The following UNC5D variants were observed in gnomAD, a reference collection of about 807,000 sequenced individuals.
The protein encoded by UNC5D is netrin receptor UNC5D.
In UNC5D, 39 loss-of-function variants were observed where a neutral mutation model predicts 105.4. The observed-to-expected ratio is 0.37, with a 90% CI of 0.29 to 0.48. UNC5D has a LOEUF of 0.48. Among genes scored for constraint, UNC5D ranks in the 20% least tolerant of loss-of-function variants. The probability of loss-of-function intolerance (pLI) is 0.98; values close to 1 mark genes in which losing one functional copy is unlikely to be tolerated. For missense variants in UNC5D, 991 were observed against 1,202.4 expected, an observed-to-expected ratio of 0.82 and a Z score of 2.60; for synonymous variants, 452 against 450.4, an observed-to-expected ratio of 1.00 and a Z score of -0.04.
At chr8:35,619,498 A>T (rs570243643) in intron 4 of UNC5D, among the ~76,000 whole-genome samples, 156 of 152,332 alleles carry the variant, frequency 1.0e-3, no homozygotes, top group African/African-American at 3.5e-3. Context: ...CCTGAAAAAA[A>T]ACTGGACTTT....
At chr8:35,560,857 C>G (rs1421261000) in intron 2 of UNC5D, among the ~76,000 whole-genome samples, 2 of 152,266 alleles carry the variant, frequency 1.3e-5, no homozygotes, top group Non-Finnish European at 2.9e-5. Flanking sequence ...GGTAACTGGG[C>G]CATCCTAATG....
chr8:35,249,911 C>G (rs1803575678), intron 1 of UNC5D, among the ~76,000 whole-genome samples: 1 of 151,582 alleles, frequency 6.6e-6, no homozygotes, highest in Non-Finnish European at 1.5e-5. Context: ...AATCCCTTGT[C>G]TTCACTGAAA....
chr8:35,543,973 C>T (rs2130647815), intron 1 of UNC5D, among the ~76,000 whole-genome samples: 1 of 152,286 alleles, frequency 6.6e-6, no homozygotes, highest in South Asian at 2.1e-4. Flanking sequence ...TATAAGAATC[C>T]ATTCCTCTGA....
intron 1 of UNC5D, among the ~76,000 whole-genome samples, chr8:35,341,452 CTGTTTTTTTT>C (rs1377489741): frequency 1.4e-5 from 2 of 145,132 alleles, no homozygotes; most frequent in Non-Finnish European, 3.0e-5. Flanking sequence ...TTTTTTTTTT[CTGTTTTTTTT>C]TGTTTTTTGT....
rs537383919 is a variant in UNC5D, at chr8:35,525,501, G to A, written c.104-23791G>A. On this transcript the variant is annotated intron_variant, in intron 1 of 16. Coordinates refer to ENST00000404895, the MANE Select transcript of UNC5D (RefSeq NM_080872.4). Reference sequence around the variant, plus strand: ...CTCCTTCTCTGTCCGTGCTTTGCTGGCAAGCTTACTAACATTGAGTGAAGC... The same window carrying A: ...CTCCTTCTCTGTCCGTGCTTTGCTGACAAGCTTACTAACATTGAGTGAAGC... 9.7e-5 allele frequency: 157 copies of A among 1,612,288 alleles called. 1 individual carries two copies. In the African/African-American group the frequency reaches 2.0e-3, roughly 21 times the overall value.
intron 1 of UNC5D, among the ~76,000 whole-genome samples, chr8:35,264,278 A>G (rs1804683979): frequency 6.6e-6 from 1 of 152,214 alleles, no homozygotes; most frequent in African/African-American, 2.4e-5. Flanking sequence ...ATTCTTCCAC[A>G]AGCTTTCAAA....
chr8:35,315,677 G>A (rs537911730), intron 1 of UNC5D, among the ~76,000 whole-genome samples: 1 of 152,272 alleles, frequency 6.6e-6, no homozygotes, highest in East Asian at 1.9e-4. Flanking sequence ...GGCCAATTTT[G>A]TAGTTTATTG....
intron 1 of UNC5D, among the ~76,000 whole-genome samples, chr8:35,262,302 A>G (rs1036827619): frequency 6.6e-6 from 1 of 152,200 alleles, no homozygotes; most frequent in Non-Finnish European, 1.5e-5. Context: ...ATGTATTTAC[A>G]TTGACTAATG....
intron 1 of UNC5D, among the ~76,000 whole-genome samples, chr8:35,489,552 C>A (rs141817257): frequency 1.3e-5 from 2 of 152,100 alleles, no homozygotes; most frequent in African/African-American, 4.8e-5. Context: ...AGAGGAAAAG[C>A]CAAGTGAGGA....
At chr8:35,677,123 A>G (rs16884224) in intron 4 of UNC5D, among the ~76,000 whole-genome samples, 7 of 152,116 alleles carry the variant, frequency 4.6e-5, no homozygotes, top group Admixed American at 4.6e-4. Flanking sequence ...CGGTCATCAC[A>G]TTCCTATAAT....
chr8:35,633,353 T>C (rs762877287), intron 4 of UNC5D, among the ~76,000 whole-genome samples: 4 of 152,236 alleles, frequency 2.6e-5, no homozygotes, highest in Non-Finnish European at 4.4e-5. Context: ...TGACCTTTTC[T>C]AAACCACAGC....
At chr8:35,360,803 C>T (rs191668398) in intron 1 of UNC5D, among the ~76,000 whole-genome samples, 2 of 152,120 alleles carry the variant, frequency 1.3e-5, no homozygotes, top group East Asian at 3.9e-4. Context: ...GTGAAATTGG[C>T]AATATATATT....
chr8:35,419,217 G>A (rs1016908759), intron 1 of UNC5D, among the ~76,000 whole-genome samples: 2 of 152,136 alleles, frequency 1.3e-5, no homozygotes, highest in African/African-American at 2.4e-5. Flanking sequence ...GAATCTTTGT[G>A]ACCAGCTAAT....
intron 1 of UNC5D, among the ~76,000 whole-genome samples, chr8:35,305,162 A>G (rs1180837080): frequency 6.6e-6 from 1 of 152,118 alleles, no homozygotes; most frequent in Non-Finnish European, 1.5e-5. Context: ...TATGAAAGAG[A>G]GGTTATATTT....
At chr8:35,287,401 AT>A (rs895688027) in intron 1 of UNC5D, among the ~76,000 whole-genome samples, 2 of 152,222 alleles carry the variant, frequency 1.3e-5, no homozygotes, top group African/African-American at 4.8e-5. Context: ...TATAAACAAA[AT>A]GAAAAGTTTG....
chr8:35,471,930 AC>A (rs1371458716), intron 1 of UNC5D, among the ~76,000 whole-genome samples: 1 of 152,192 alleles, frequency 6.6e-6, no homozygotes, highest in Admixed American at 6.5e-5. Flanking sequence ...AATAAATTAA[AC>A]AAAACAAAAT....
At chr8:35,580,698 G>A (rs1218672264) in intron 3 of UNC5D, among the ~76,000 whole-genome samples, 5 of 152,092 alleles carry the variant, frequency 3.3e-5, no homozygotes, top group Non-Finnish European at 2.9e-5. Flanking sequence ...GGGCTCCATC[G>A]ACTTGAACAA....
intron 1 of UNC5D, among the ~76,000 whole-genome samples, chr8:35,432,164 A>G (rs991587561): frequency 1.3e-5 from 2 of 152,144 alleles, no homozygotes; most frequent in Non-Finnish European, 2.9e-5. Flanking sequence ...TTATCTATAC[A>G]ATAGGGAAAG....
At chr8:35,501,041 T>C (rs1162701293) in intron 1 of UNC5D, among the ~76,000 whole-genome samples, 1 of 152,140 alleles carries the variant, frequency 6.6e-6, no homozygotes, top group Non-Finnish European at 1.5e-5. Context: ...ATGTCTGACT[T>C]GTTTGCCAGT....
Sources: allele counts gnomAD v4.1 joint callset (sites outside exome capture counted in the v4.1 genomes callset), GRCh38; gene constraint gnomAD v4.1.1; transcripts MANE v1.5; gene names NCBI Gene and HGNC (gene_info 2026-07-23, HGNC 2026-07-21).